PCDH9: variants seen among roughly 807,000 people sequenced by gnomAD.
PCDH9 encodes protocadherin 9, also known as protocadherin-9.
A neutral mutation model predicts 70.6 loss-of-function variants in PCDH9; 24 were observed. That is an observed-to-expected ratio of 0.34 (90% CI 0.25 to 0.48). The LOEUF (loss-of-function observed/expected upper bound fraction) is 0.48. Ranked by LOEUF, PCDH9 falls within the 20% of genes least tolerant of loss-of-function variation. The pLI is 0.99. For missense variants in PCDH9, 1,281 were observed against 1,503.6 expected (o/e 0.85, Z 2.45); for synonymous variants, 562 against 558.5 (o/e 1.01, Z -0.09).
chr13:66,395,816 A>T (rs1957093294), intron 4 of PCDH9, among the ~76,000 whole-genome samples: 1 of 152,098 alleles, frequency 6.6e-6, no homozygotes, highest in Admixed American at 6.6e-5. Flanking sequence ...AACTGCAAAA[A>T]ATGCTCTTAT....
intron 3 of PCDH9, among the ~76,000 whole-genome samples, chr13:66,902,068 A>T (rs2082284571): frequency 6.6e-6 from 1 of 151,650 alleles, no homozygotes. Context: ...ATTGTTGGTA[A>T]TTAATGGGAA....
chr13:66,548,047 G>A (rs944959013), intron 4 of PCDH9, among the ~76,000 whole-genome samples: 2 of 150,860 alleles, frequency 1.3e-5, no homozygotes, highest in Non-Finnish European at 2.9e-5. Flanking sequence ...GTGTTTTCGT[G>A]CCCATCTTTT....
chr13:67,059,699 G>A (rs981024485), intron 2 of PCDH9, among the ~76,000 whole-genome samples: 4 of 151,520 alleles, frequency 2.6e-5, no homozygotes, highest in Admixed American at 1.3e-4. Context: ...AGAGTAAACC[G>A]TCTTGAATGA....
intron 2 of PCDH9, among the ~76,000 whole-genome samples, chr13:66,954,893 A>G (rs1449847640): frequency 6.6e-6 from 1 of 152,154 alleles, no homozygotes; most frequent in Non-Finnish European, 1.5e-5. Context: ...CCTCCTGAGT[A>G]GCTGGGACTA....
chr13:66,502,403 A>G (rs570331303), intron 4 of PCDH9, among the ~76,000 whole-genome samples: 1 of 152,266 alleles, frequency 6.6e-6, no homozygotes. Flanking sequence ...TAAAAATATT[A>G]TCTACCTTTT....
intron 4 of PCDH9, among the ~76,000 whole-genome samples, chr13:66,573,949 C>T (rs1018083460): frequency 3.3e-5 from 5 of 152,250 alleles, no homozygotes; most frequent in Admixed American, 6.5e-5. Flanking sequence ...CTCTCCCCTA[C>T]TTCTAGTTTT....
intron 4 of PCDH9, among the ~76,000 whole-genome samples, chr13:66,420,153 A>T (rs979074001): frequency 2.0e-5 from 3 of 152,146 alleles, no homozygotes; most frequent in African/African-American, 7.2e-5. Flanking sequence ...GCATCTCTGA[A>T]AGAAAGGCAG....
chr13:66,920,377 G>A (rs2082619677), intron 2 of PCDH9, among the ~76,000 whole-genome samples: 1 of 151,048 alleles, frequency 6.6e-6, no homozygotes, highest in Non-Finnish European at 1.5e-5. Flanking sequence ...GAAAATTCCT[G>A]AGCTGTAGCA....
rs1470451992 is a variant in PCDH9, at chr13:66,304,894, A to G, written c.3475T>C (p.Ser1159Pro). ...CATTCTTTCTGGGGTGCAAAGGTTGAGAGAGGAGATTTGGGGTGTTGATAT... is the reference window on the plus strand; with the variant it reads ...CATTCTTTCTGGGGTGCAAAGGTTGGGAGAGGAGATTTGGGGTGTTGATAT... Reference protein sequence around the residue: ...GPYQHPKSPLSTFAPQKEWVK... With the variant: ...GPYQHPKSPLPTFAPQKEWVK... The change falls in exon 5 of 5, where the codon TCA becomes CCA. Residue 1159 changes from serine to proline, a missense_variant. Ser to Pro is a moderately conservative substitution (Grantham distance 74). Coordinates refer to ENST00000377865, the MANE Select transcript of PCDH9 (RefSeq NM_203487.3). 1.2e-6 allele frequency: 2 copies of G among 1,613,538 alleles called. No individual in the cohort carries two copies. The highest frequency in any genetic ancestry group is 2.2e-5 in the East Asian group (1 of 44,840).
At chr13:67,182,985 A>G (rs2088657653) in intron 2 of PCDH9, among the ~76,000 whole-genome samples, 1 of 152,174 alleles carries the variant, frequency 6.6e-6, no homozygotes, top group Non-Finnish European at 1.5e-5. Flanking sequence ...CCTTAGTGCA[A>G]TTTTCTTAGC....
intron 4 of PCDH9, among the ~76,000 whole-genome samples, chr13:66,444,325 TG>T (rs1316262801): frequency 1.3e-5 from 2 of 152,310 alleles, no homozygotes; most frequent in Non-Finnish European, 2.9e-5. Flanking sequence ...GGGCTGAGAC[TG>T]ATTTCATCAG....
At chr13:67,006,943 T>C (rs2139832871) in intron 2 of PCDH9, among the ~76,000 whole-genome samples, 1 of 152,276 alleles carries the variant, frequency 6.6e-6, no homozygotes, top group East Asian at 1.9e-4. Flanking sequence ...ATGATGTAAT[T>C]TCAAAAGGAA....
rs369035591 is a variant in PCDH9 at position 66,451,376 on chromosome 13, G to A, written c.3341-146348C>T. On this transcript the variant is annotated intron_variant, in intron 4 of 4. Coordinates refer to ENST00000377865, the MANE Select transcript of PCDH9 (RefSeq NM_203487.3). ...TAATATGATTATTGCAAAATAATAAGTGGGGTCTATTATTTCAACAAATTT... is the reference window on the plus strand; with the variant it reads ...TAATATGATTATTGCAAAATAATAAATGGGGTCTATTATTTCAACAAATTT... Among the ~76,000 whole-genome samples the A allele has an allele frequency of 4.0e-4, 61 of 152,238 alleles. No homozygotes were observed. The South Asian group carries it at 4.1e-3, about 10-fold the overall frequency.
At chr13:66,680,658 C>T (rs902817327) in intron 3 of PCDH9, among the ~76,000 whole-genome samples, 8 of 151,800 alleles carry the variant, frequency 5.3e-5, no homozygotes, top group Non-Finnish European at 8.8e-5. Flanking sequence ...CGATTAATGG[C>T]ATTTCAAAAG....
At chr13:66,974,854 C>T (rs552242250) in intron 2 of PCDH9, among the ~76,000 whole-genome samples, 3 of 152,134 alleles carry the variant, frequency 2.0e-5, no homozygotes, top group African/African-American at 7.2e-5. Flanking sequence ...AGCGACTGAA[C>T]ATGCAGTACG....
intron 2 of PCDH9, among the ~76,000 whole-genome samples, chr13:66,974,033 A>G (rs1421020318): frequency 6.6e-6 from 1 of 151,996 alleles, no homozygotes; most frequent in Admixed American, 6.6e-5. Flanking sequence ...AATGTGTGAT[A>G]AAGGATCCAC....
chr13:66,354,585 A>G (rs1035647131), intron 4 of PCDH9, among the ~76,000 whole-genome samples: 4 of 152,178 alleles, frequency 2.6e-5, no homozygotes, highest in African/African-American at 9.7e-5. Flanking sequence ...GGCACTTTCT[A>G]ATAGCGGTAG....
intron 2 of PCDH9, among the ~76,000 whole-genome samples, chr13:67,022,707 C>T (rs553814174): frequency 1.3e-5 from 2 of 152,134 alleles, no homozygotes; most frequent in African/African-American, 4.8e-5. Context: ...TCTTTCTAGC[C>T]GTTCAACACC....
At chr13:66,929,233 C>T (rs1196740766) in intron 2 of PCDH9, among the ~76,000 whole-genome samples, 2 of 151,764 alleles carry the variant, frequency 1.3e-5, no homozygotes, top group Admixed American at 6.6e-5. Flanking sequence ...ACCCTATTTA[C>T]TAGATTTCTT....
Sources: gnomAD v4.1 joint callset for allele counts (sites outside exome capture counted in the v4.1 genomes callset) on GRCh38, gnomAD v4.1.1 for gene constraint, MANE v1.5 for transcripts, NCBI Gene and HGNC (gene_info 2026-07-23, HGNC 2026-07-21) for gene names.